The following HOXD12 variants were observed in gnomAD, a reference collection of about 807,000 sequenced individuals.
HOXD12 encodes homeobox D12.
In HOXD12, 21 loss-of-function variants were observed where a neutral mutation model predicts 20.2. That is an observed-to-expected ratio of 1.04 (90% CI 0.74 to 1.50). The LOEUF (loss-of-function observed/expected upper bound fraction) is 1.50. HOXD12 is among the 40% of genes most tolerant of loss of function. The pLI is 0.00. For synonymous variants in HOXD12, 196 were observed against 168.8 expected, an observed-to-expected ratio of 1.16 and a Z score of -1.25; for missense variants, 472 against 365.5, an observed-to-expected ratio of 1.29 and a Z score of -2.38.
At position 176,100,461 on chromosome 2, in the gene HOXD12, C is replaced by T. The variant is rs915904254; in HGVS notation, c.575-61C>T. The T allele has an allele frequency of 5.7e-6, 9 of 1,590,804 alleles. No individual in the cohort carries two copies. In the Admixed American group the frequency reaches 1.4e-4, roughly 24 times the overall value. ...GAGAGTGTAAGGGGAGGTGAACCGCCTGGGGGCGGGCAATAGACAGAGTAC... is the reference window on the plus strand; with the variant it reads ...GAGAGTGTAAGGGGAGGTGAACCGCTTGGGGGCGGGCAATAGACAGAGTAC... On this transcript the variant is annotated intron_variant, in intron 1 of 1. Coordinates refer to ENST00000406506, the MANE Select transcript of HOXD12 (RefSeq NM_021193.4).
rs367585361 is a variant in HOXD12 at position 176,099,998 on chromosome 2, C to T, written c.197C>T (p.Ala66Val). The change falls in exon 1 of 2, where the codon GCC (alanine) becomes GTC (valine). Residue 66 changes from alanine to valine, a missense_variant. Physicochemically the swap from Ala to Val is moderately conservative, Grantham distance 64 (BLOSUM62 0). Transcript: ENST00000406506. ...TGCGCCCCCGCGCAGCCTGCGGGCG[C>T]CACTGCCTTCGGCGGCTTCTCGCAG... The part of the protein sequence containing the change: ...ASCAPAQPAG[A>V]TAFGGFSQPY... 1 of 1,562,196 alleles carries T rather than the reference C, an allele frequency of 6.4e-7. No homozygotes were observed.
At position 176,100,399 on chromosome 2, in the gene HOXD12, G is replaced by A. The variant is rs1403631017; in HGVS notation, c.574+24G>A. Reference sequence around the variant, plus strand: ...CGGTAAACGGTGCCCATGCTCCCCGGGCCGGTTTGGGCCGGGATGGGAGGT... The same window carrying A: ...CGGTAAACGGTGCCCATGCTCCCCGAGCCGGTTTGGGCCGGGATGGGAGGT... On this transcript the variant is annotated intron_variant, in intron 1 of 1. Transcript: ENST00000406506. The A allele has an allele frequency of 5.6e-6, 9 of 1,610,820 alleles. 1 individual carries two copies. Among genetic ancestry groups the A allele is most frequent in the African/African-American group, 5.3e-5 (4 of 74,918 alleles).
At chr2:176,100,396 C>T (rs1182705208) in intron 1 of HOXD12, 21 bp downstream of exon 1, 3 of 1,611,798 alleles carry the variant, frequency 1.9e-6, no homozygotes, top group Admixed American at 1.7e-5. Context: ...CCCATGCTCC[C>T]CGGGCCGGTT....
chr2:176,100,529 G>T lies in HOXD12; in HGVS notation c.582G>T (p.Pro194=). ...CLRPSLPDGL[P]WGAAPGRARK... is the part of the protein sequence containing the mutation. ...GTTGGGGCTGTGTTGCAGGCCTGCC[G>T]TGGGGGGCGGCCCCGGGGAGGGCCC... The change falls in exon 2 of 2, where the codon CCG becomes CCT. Residue 194 remains proline (P), a synonymous_variant. Coordinates refer to ENST00000406506, the MANE Select transcript of HOXD12 (RefSeq NM_021193.4). The T allele has an allele frequency of 1.2e-6, 2 of 1,603,508 alleles. No individual in the cohort carries two copies. Among genetic ancestry groups the T allele is most frequent in the South Asian group, 2.2e-5 (2 of 89,730 alleles).
rs1689499354 is a variant in HOXD12 at position 176,101,879 on chromosome 2, C to A, written c.*1119C>A. ...AAGGAAGTCTCTTAGATTCTCTGCC[C>A]CGCTAGCTGCTCTTGACAAAGCAAA... On this transcript the variant is annotated 3_prime_UTR_variant, in exon 2 of 2. Transcript: ENST00000406506. 6.6e-6 allele frequency among the ~76,000 whole-genome samples: 1 copy of A among 152,218 alleles called. No homozygotes were observed. Among genetic ancestry groups the A allele is most frequent in the Non-Finnish European group, 1.5e-5 (1 of 68,040 alleles).
rs1050654305 is a variant in HOXD12 at position 176,102,320 on chromosome 2, C to T, written c.*1560C>T. ...TGGGCCCCTCACAGAGAGCCCTGAG[C>T]CTTAGCCCAACTGACTTCAGTTGAT... On this transcript the variant is annotated 3_prime_UTR_variant, in exon 2 of 2. Coordinates refer to ENST00000406506, the MANE Select transcript of HOXD12 (RefSeq NM_021193.4). Among the ~76,000 whole-genome samples, 2 of 152,206 alleles carry T rather than the reference C, an allele frequency of 1.3e-5. No homozygotes were observed. The highest frequency in any genetic ancestry group is 2.4e-5 in the African/African-American group (1 of 41,452).
Position 176,100,901 on chromosome 2 carries a change from A to T in HOXD12, c.*141A>T. On this transcript the variant is annotated 3_prime_UTR_variant, in exon 2 of 2. Coordinates refer to ENST00000406506, the MANE Select transcript of HOXD12 (RefSeq NM_021193.4). ...CCAGAAGCCACCAAGAGATTTACAG[A>T]CCAGGCCAGTTGGGCCTCCTTGCTT... The T allele has an allele frequency of 1.6e-6, 1 of 642,794 alleles. No individual in the cohort carries two copies. The highest frequency in any genetic ancestry group is 1.8e-5 in the African/African-American group (1 of 54,572). 39.8% of individuals were successfully genotyped at this position (642,794 alleles called of 1,614,324 possible).
At position 176,100,167 on chromosome 2, in the gene HOXD12, G is replaced by A. The variant is rs34753273; in HGVS notation, c.366G>A (p.Glu122=). The A allele has an allele frequency of 1.4e-3, 2,207 of 1,612,300 alleles. 16 individuals are homozygous for A. The African/African-American group carries it at 0.027, about 19-fold the overall frequency. Residue 122 remains glutamate (E), a synonymous_variant, in exon 1 of 2, where the codon GAG becomes GAA. Transcript: ENST00000406506. ...RGRTRPSFAP[E]SSLAPAVAAL... is the part of the protein sequence containing the mutation. The stretch of plus-strand genomic sequence containing the variant: ...GTACCCGGCCGTCCTTCGCCCCCGA[G>A]TCTAGCCTGGCTCCTGCAGTGGCTG...
rs116041659 is a variant in HOXD12 at position 176,102,308 on chromosome 2, G to C, written c.*1548G>C. On this transcript the variant is annotated 3_prime_UTR_variant, in exon 2 of 2. Coordinates refer to ENST00000406506, the MANE Select transcript of HOXD12 (RefSeq NM_021193.4). ...CTAAATCTGGAGTGGGCCCCTCACA[G>C]AGAGCCCTGAGCCTTAGCCCAACTG... Among the ~76,000 whole-genome samples the C allele has an allele frequency of 9.1e-3, 1,386 of 152,332 alleles. 24 individuals are homozygous for C. Among genetic ancestry groups the C allele is most frequent in the African/African-American group, 0.032 (1,313 of 41,582 alleles).
Position 176,100,300 on chromosome 2 carries a change from A to G in HOXD12, c.499A>G (p.Lys167Glu), listed in dbSNP as rs1689475089. The G allele has an allele frequency of 1.2e-6, 2 of 1,612,474 alleles. No homozygotes were observed. Among genetic ancestry groups the G allele is most frequent in the Admixed American group, 1.7e-5 (1 of 60,008 alleles). The change falls in exon 1 of 2, where the codon AAG becomes GAG. Residue 167 changes from lysine (K) to glutamate (E), a missense_variant. Coordinates refer to ENST00000406506, the MANE Select transcript of HOXD12 (RefSeq NM_021193.4). ...PCAPGFKDDTKGPLNLNMTVQ... is the reference protein window; with the variant it reads ...PCAPGFKDDTEGPLNLNMTVQ... ...CGCCCCTGGCTTCAAGGACGACACC[A>G]AGGGCCCGCTCAACTTGAACATGAC... is the stretch of plus-strand genomic sequence containing the variant.
rs754307410 is a variant in HOXD12, at chr2:176,100,590, G to A, written c.643G>A (p.Ala215Thr). The change falls in exon 2 of 2, where the codon GCG becomes ACG. Residue 215 changes from alanine (A) to threonine (T), a missense_variant. Transcript: ENST00000406506. ...KRKPYTKQQIAELENEFLVNE... is the reference protein window; with the variant it reads ...KRKPYTKQQITELENEFLVNE... ...GAAACCCTACACGAAGCAGCAGATT[G>A]CGGAGTTGGAGAACGAATTCCTCGT... is the stretch of plus-strand genomic sequence containing the variant. 3.1e-5 allele frequency: 50 copies of A among 1,612,896 alleles called. No homozygotes were observed. Among genetic ancestry groups the A allele is most frequent in the Non-Finnish European group, 4.2e-5 (49 of 1,179,494 alleles).
rs1469575547 is a variant in HOXD12, at chr2:176,100,078, G to A, written c.277G>A (p.Gly93Arg). Reference sequence around the variant, plus strand: ...CCTGCAGCCCCCAACAGCCAAAGACGGACCCGAAGAGCAGGCTAAGTTCTA... The same window carrying A: ...CCTGCAGCCCCCAACAGCCAAAGACAGACCCGAAGAGCAGGCTAAGTTCTA... ...LGLQPPTAKD[G>R]PEEQAKFYAP... Residue 93 changes from glycine to arginine, a missense_variant, in exon 1 of 2, where the codon GGA becomes AGA. Transcript: ENST00000406506. The A allele has an allele frequency of 1.9e-6, 3 of 1,599,108 alleles. No individual in the cohort carries two copies. Among genetic ancestry groups the A allele is most frequent in the Non-Finnish European group, 2.6e-6 (3 of 1,174,520 alleles).
chr2:176,100,542 C>T lies in HOXD12; in HGVS notation c.595C>T (p.Pro199Ser). 6.2e-7 allele frequency: 1 copy of T among 1,607,730 alleles called. No homozygotes were observed. Among genetic ancestry groups the T allele is most frequent in the Non-Finnish European group, 8.5e-7 (1 of 1,177,218 alleles). ...LPDGLPWGAA[P>S]GRARKKRKPY... ...TGCAGGCCTGCCGTGGGGGGCGGCC[C>T]CGGGGAGGGCCCGCAAGAAGCGGAA... The change falls in exon 2 of 2, where the codon CCG becomes TCG. Residue 199 changes from proline (P) to serine (S), a missense_variant. Pro to Ser is a moderately conservative substitution (Grantham distance 74). Transcript: ENST00000406506.
At position 176,100,268 on chromosome 2, in the gene HOXD12, C is replaced by A; in HGVS notation, c.467C>A (p.Ala156Asp). 1 of 1,612,496 alleles carries A rather than the reference C, an allele frequency of 6.2e-7. No individual in the cohort carries two copies. The highest frequency in any genetic ancestry group is 8.5e-7 in the Non-Finnish European group (1 of 1,179,780). The change falls in exon 1 of 2, where the codon GCT (alanine) becomes GAT (aspartate). Residue 156 changes from alanine to aspartate, a missense_variant. Coordinates refer to ENST00000406506, the MANE Select transcript of HOXD12 (RefSeq NM_021193.4). ...TPGSTTLLQG[A>D]PCAPGFKDDT... ...GGCTCCACGACCCTGCTCCAGGGGGCTCCCTGCGCCCCTGGCTTCAAGGAC... is the reference window on the plus strand; with the variant it reads ...GGCTCCACGACCCTGCTCCAGGGGGATCCCTGCGCCCCTGGCTTCAAGGAC...
intron 1 of HOXD12, 51 bp downstream of exon 1, chr2:176,100,426 G>T (rs751707682): frequency 6.2e-7 from 1 of 1,603,322 alleles, no homozygotes; most frequent in East Asian, 2.2e-5. Context: ...ATGGGAGGTG[G>T]GGTTCAAGGG....
chr2:176,100,919 C>T lies in HOXD12; in HGVS notation c.*159C>T. 1 of 617,064 alleles carries T rather than the reference C, an allele frequency of 1.6e-6. No individual in the cohort carries two copies. The highest frequency in any genetic ancestry group is 2.9e-6 in the Non-Finnish European group (1 of 347,942). The allele number at this position is 617,064 out of a possible 1,614,324, so 38.2% of individuals were successfully genotyped here. On this transcript the variant is annotated 3_prime_UTR_variant, in exon 2 of 2. Transcript: ENST00000406506. Reference sequence around the variant, plus strand: ...TTTACAGACCAGGCCAGTTGGGCCTCCTTGCTTTCCTCAGTCCCTGAGAAG... The same window carrying T: ...TTTACAGACCAGGCCAGTTGGGCCTTCTTGCTTTCCTCAGTCCCTGAGAAG...
Position 176,101,082 on chromosome 2 carries a change from G to A in HOXD12, c.*322G>A. The stretch of plus-strand genomic sequence containing the variant: ...GCTCATTCTTGCTCCCCGGTACCTG[G>A]ATTTTTCTGTTTCCACCCAATTCGT... On this transcript the variant is annotated 3_prime_UTR_variant, in exon 2 of 2. Coordinates refer to ENST00000406506, the MANE Select transcript of HOXD12 (RefSeq NM_021193.4). 1 of 448,668 alleles carries A rather than the reference G, an allele frequency of 2.2e-6. No individual in the cohort carries two copies. The highest frequency in any genetic ancestry group is 4.0e-6 in the Non-Finnish European group (1 of 250,304). 27.8% of individuals were successfully genotyped at this position (448,668 alleles called of 1,614,324 possible). A position where few individuals can be genotyped will look rare whatever the true frequency, so the allele number is the denominator to read the frequency against.
Position 176,100,142 on chromosome 2 carries a change from G to T in HOXD12, c.341G>T (p.Arg114Leu). The T allele has an allele frequency of 1.2e-6, 2 of 1,610,988 alleles. No individual in the cohort carries two copies. The highest frequency in any genetic ancestry group is 1.7e-4 in the Middle Eastern group (1 of 6,052). The change falls in exon 1 of 2, where the codon CGT (arginine) becomes CTT (leucine). Residue 114 changes from arginine to leucine, a missense_variant. Physicochemically the swap from Arg to Leu is moderately radical, Grantham distance 102 (BLOSUM62 -2). Coordinates refer to ENST00000406506, the MANE Select transcript of HOXD12 (RefSeq NM_021193.4). ...GCCGCTGGGCCAGAGGAGCGCGGTC[G>T]TACCCGGCCGTCCTTCGCCCCCGAG... ...EAAAGPEERG[R>L]TRPSFAPESS...
rs368927800 is a variant in HOXD12 at position 176,099,829 on chromosome 2, G to T, written c.28G>T (p.Gly10Cys). Reference sequence around the variant, plus strand: ...GTGTGAGCGCAGTCTCTACAGAGCGGGCTATGTGGGCTCGCTTCTGAATCT... The same window carrying T: ...GTGTGAGCGCAGTCTCTACAGAGCGTGCTATGTGGGCTCGCTTCTGAATCT... MCERSLYRA[G>C]YVGSLLNLQS... Residue 10 changes from glycine to cysteine, a missense_variant, in exon 1 of 2, where the codon GGC (glycine) becomes TGC (cysteine). Physicochemically the swap from Gly to Cys is radical, Grantham distance 159. Coordinates refer to ENST00000406506, the MANE Select transcript of HOXD12 (RefSeq NM_021193.4). The T allele has an allele frequency of 3.9e-6, 6 of 1,542,588 alleles. No individual in the cohort carries two copies. In the African/African-American group the frequency reaches 7.2e-5, roughly 18 times the overall value.
Sources: gnomAD v4.1 joint callset for allele counts (sites outside exome capture counted in the v4.1 genomes callset) on GRCh38, gnomAD v4.1.1 for gene constraint, MANE v1.5 for transcripts, NCBI Gene and HGNC (gene_info 2026-07-23, HGNC 2026-07-21) for gene names.